Variants in GPC3 observed in about 807,000 individuals in gnomAD.
GPC3 encodes glypican-3.
GPC3 carries 3 observed loss-of-function variants against 34.4 expected under a neutral mutation model. That is an observed-to-expected ratio of 0.09 (90% confidence interval 0.04 to 0.23). The LOEUF is 0.23. Ranked by LOEUF, GPC3 falls within the 10% of genes least tolerant of loss-of-function variation. The pLI is 1.00. For missense variants in GPC3, 351 were observed against 445.6 expected (o/e 0.79, Z 1.91); for synonymous variants, 177 against 174.0 (o/e 1.02, Z -0.13).
At chrX:133,934,790 T>C (rs1281238957) in intron 2 of GPC3, among the ~76,000 whole-genome samples, 1 of 110,309 alleles carries the variant, frequency 9.1e-6, no homozygotes, top group Non-Finnish European at 1.9e-5. Context: ...CCCAAAGTGC[T>C]GGGATTACAG....
chrX:133,767,971 G>A (rs1205627124), intron 2 of GPC3, among the ~76,000 whole-genome samples: 1 of 109,891 alleles, frequency 9.1e-6, no homozygotes, highest in East Asian at 2.9e-4. Context: ...GGGTGGGGGG[G>A]TAAATCTCCA....
At chrX:133,574,776 T>G (rs183138908) in intron 7 of GPC3, among the ~76,000 whole-genome samples, 2 of 112,468 alleles carry the variant, frequency 1.8e-5, no homozygotes, top group East Asian at 5.6e-4. Flanking sequence ...ACACACTCCA[T>G]CTGCATTCTT....
intron 3 of GPC3, among the ~76,000 whole-genome samples, chrX:133,730,694 CAGAGAAAATCA>C (rs1364541100): frequency 1.8e-5 from 2 of 111,105 alleles, no homozygotes; most frequent in African/African-American, 6.5e-5. Context: ...AATCAAAAAG[CAGAGAAAATCA>C]AGAAGCATCT....
At chrX:133,950,430 C>A (rs2076387270) in intron 2 of GPC3, among the ~76,000 whole-genome samples, 1 of 111,670 alleles carries the variant, frequency 9.0e-6, no homozygotes, top group South Asian at 3.8e-4. Context: ...GCTTAAATAC[C>A]CCCAATGTGG....
At chrX:133,653,238 T>C (rs928775273) in intron 6 of GPC3, among the ~76,000 whole-genome samples, 2 of 111,847 alleles carry the variant, frequency 1.8e-5, no homozygotes, top group African/African-American at 6.5e-5. Context: ...GACCAATATG[T>C]GAAGAAGATT....
At chrX:133,909,894 T>C (rs1429079928) in intron 2 of GPC3, among the ~76,000 whole-genome samples, 3 of 111,713 alleles carry the variant, frequency 2.7e-5, no homozygotes, top group African/African-American at 9.7e-5. Flanking sequence ...TCCTCTACTC[T>C]AGAATCTTGT....
In GPC3 at chrX:133,821,409, G is replaced by A. The variant is rs781234427; in HGVS notation, c.338-67233C>T. Among the ~76,000 whole-genome samples, 4 of 112,393 alleles carry A rather than the reference G, an allele frequency of 3.6e-5. No homozygotes were observed. In the East Asian group the frequency reaches 1.1e-3, roughly 31 times the overall value. On this transcript the variant is annotated intron_variant, in intron 2 of 7. Coordinates refer to ENST00000370818, the MANE Select transcript of GPC3 (RefSeq NM_004484.4). ...GCAACAGTGTCACAATCTTTACACAGTCAATTTTATCTATAATTTGGGAAT... is the reference window on the plus strand; with the variant it reads ...GCAACAGTGTCACAATCTTTACACAATCAATTTTATCTATAATTTGGGAAT...
chrX:133,807,914 AAGGCCT>A (rs1376751213), intron 2 of GPC3, among the ~76,000 whole-genome samples: 1 of 112,209 alleles, frequency 8.9e-6, no homozygotes, highest in Non-Finnish European at 1.9e-5. Context: ...AATATGGGGT[AAGGCCT>A]AGAAATCTGT....
chrX:133,686,963 T>C (rs1035194273), intron 5 of GPC3, among the ~76,000 whole-genome samples: 1 of 109,344 alleles, frequency 9.1e-6, no homozygotes, highest in African/African-American at 3.3e-5. Flanking sequence ...TCTCGCTTTG[T>C]CACCCAGGCT....
chrX:133,630,596 T>C (rs977437903), intron 6 of GPC3, among the ~76,000 whole-genome samples: 1 of 111,335 alleles, frequency 9.0e-6, no homozygotes, highest in African/African-American at 3.3e-5. Flanking sequence ...TAAGAGTAGT[T>C]TCTAAATTTG....
At chrX:133,807,299 G>A (rs2075641382) in intron 2 of GPC3, among the ~76,000 whole-genome samples, 1 of 111,647 alleles carries the variant, frequency 9.0e-6, no homozygotes, top group Admixed American at 9.5e-5. Context: ...TATGATGCCT[G>A]TTCTCCTTCA....
intron 6 of GPC3, among the ~76,000 whole-genome samples, chrX:133,646,601 G>A (rs1323404365): frequency 8.9e-6 from 1 of 112,333 alleles, no homozygotes; most frequent in Non-Finnish European, 1.9e-5. Flanking sequence ...ATGAATTGCT[G>A]TTTTGGCTCA....
intron 2 of GPC3, among the ~76,000 whole-genome samples, chrX:133,842,858 C>T (rs990282466): frequency 4.9e-4 from 55 of 111,188 alleles, no homozygotes; most frequent in Admixed American, 1.9e-4. Context: ...GGATAGTCTC[C>T]TCCCACAATG....
At chrX:133,847,193 CACATACA>C (rs1193336150) in intron 2 of GPC3, among the ~76,000 whole-genome samples, 3 of 111,506 alleles carry the variant, frequency 2.7e-5, no homozygotes, top group Non-Finnish European at 5.7e-5. Context: ...CATGTGATAC[CACATACA>C]GGGCATTTGT....
At chrX:133,920,168 A>AAAAAAG (rs1281092740) in intron 2 of GPC3, among the ~76,000 whole-genome samples, 1 of 110,133 alleles carries the variant, frequency 9.1e-6, no homozygotes, top group African/African-American at 3.3e-5. Flanking sequence ...TGTCAAAAAA[A>AAAAAAG]AAAAAGAAAA....
chrX:133,853,055 G>A (rs2075882770), intron 2 of GPC3, among the ~76,000 whole-genome samples: 1 of 106,451 alleles, frequency 9.4e-6, no homozygotes, highest in Admixed American at 1.0e-4. Flanking sequence ...GAGGCAGCAT[G>A]GAGTATTAGA....
At chrX:133,730,001 C>T (rs757727111) in intron 3 of GPC3, among the ~76,000 whole-genome samples, 15 of 111,837 alleles carry the variant, frequency 1.3e-4, no homozygotes, top group African/African-American at 3.6e-4. Context: ...TATTAATCAA[C>T]GATACAGTGA....
intron 3 of GPC3, among the ~76,000 whole-genome samples, chrX:133,703,767 C>T (rs1169852969): frequency 8.9e-6 from 1 of 111,971 alleles, no homozygotes; most frequent in African/African-American, 3.2e-5. Flanking sequence ...GCCAGGAAGA[C>T]ATTTTAGTAA....
In GPC3 at chrX:133,921,944, T is replaced by C. The variant is rs139260678; in HGVS notation, c.337+31106A>G. 5.3e-3 allele frequency among the ~76,000 whole-genome samples: 596 copies of C among 112,417 alleles called. 6 individuals carry two copies. The highest frequency in any genetic ancestry group is 0.018 in the African/African-American group (563 of 31,021). On this transcript the variant is annotated intron_variant, in intron 2 of 7. Transcript: ENST00000370818. ...GCAACAATGAGGGACCTCTGACGTC[T>C]TTTGCTCTGGCAGTAGTCTGGTTGC...
Sources: allele counts gnomAD v4.1 joint callset (sites outside exome capture counted in the v4.1 genomes callset), GRCh38; gene constraint gnomAD v4.1.1; transcripts MANE v1.5; gene names NCBI Gene and HGNC (gene_info 2026-07-23, HGNC 2026-07-21).